Variants in CDH13 observed in about 807,000 individuals in gnomAD.
CDH13 encodes cadherin 13, also known as cadherin-13.
In CDH13, 24 loss-of-function variants were observed where a neutral mutation model predicts 63.8. The ratio of observed to expected loss-of-function variants is 0.38; its 90% confidence interval spans 0.27 to 0.53. The LOEUF is 0.53. Ranked by LOEUF, CDH13 falls within the 20% of genes least tolerant of loss-of-function variation. The pLI, the probability that CDH13 is intolerant of heterozygous loss-of-function variation, is 0.85. For missense variants in CDH13, 1,049 were observed against 903.1 expected (o/e 1.16, Z -2.07); for synonymous variants, 503 against 355.3 (o/e 1.42, Z -4.67).
intron 3 of CDH13, among the ~76,000 whole-genome samples, chr16:83,099,188 A>G (rs2034353103): frequency 6.6e-6 from 1 of 152,200 alleles, no homozygotes; most frequent in South Asian, 2.1e-4. Context: ...ATTAGAATAT[A>G]TATTTGAACA....
chr16:83,755,642 C>G (rs1290828574), intron 11 of CDH13, among the ~76,000 whole-genome samples: 1 of 151,730 alleles, frequency 6.6e-6, no homozygotes, highest in African/African-American at 2.4e-5. Flanking sequence ...ATGTGGAAGG[C>G]AATGGAATAA....
At chr16:83,079,462 A>T (rs1160821759) in intron 3 of CDH13, among the ~76,000 whole-genome samples, 1 of 152,218 alleles carries the variant, frequency 6.6e-6, no homozygotes, top group African/African-American at 2.4e-5. Flanking sequence ...GTAAAATGGG[A>T]TAATTATAAT....
intron 4 of CDH13, among the ~76,000 whole-genome samples, chr16:83,145,477 C>T (rs13330081): frequency 0.015 from 2,333 of 152,268 alleles, 68 homozygotes; most frequent in African/African-American, 0.053. Flanking sequence ...CCGTTATTAG[C>T]GATGACAATG....
chr16:83,177,943 A>G (rs2038194072), intron 4 of CDH13, among the ~76,000 whole-genome samples: 7 of 152,174 alleles, frequency 4.6e-5, no homozygotes, highest in Admixed American at 4.6e-4. Context: ...TGCTAAACAT[A>G]TAGTAGGTGT....
At chr16:82,923,295 A>G (rs761354706) in intron 2 of CDH13, among the ~76,000 whole-genome samples, 10 of 152,242 alleles carry the variant, frequency 6.6e-5, no homozygotes, top group Non-Finnish European at 1.2e-4. Flanking sequence ...CATTTGTTCC[A>G]TGAGTGAAGT....
intron 1 of CDH13, among the ~76,000 whole-genome samples, chr16:82,773,745 TC>T (rs1434003626): frequency 6.6e-6 from 1 of 152,132 alleles, no homozygotes; most frequent in South Asian, 2.1e-4. Flanking sequence ...CATTTTTTTT[TC>T]TTTTTCTTAA....
intron 5 of CDH13, among the ~76,000 whole-genome samples, chr16:83,287,472 TC>T (rs1380854472): frequency 2.0e-5 from 3 of 151,746 alleles, no homozygotes; most frequent in African/African-American, 7.3e-5. Context: ...TCCTGTCAGA[TC>T]AGGGGCAGCA....
chr16:82,683,272 C>T (rs1040424867), intron 1 of CDH13, among the ~76,000 whole-genome samples: 5 of 152,168 alleles, frequency 3.3e-5, no homozygotes, highest in African/African-American at 9.7e-5. Context: ...TCTGCAGGAA[C>T]CTAGCCTTCT....
chr16:83,465,837 ACT>A (rs745336875), intron 6 of CDH13, among the ~76,000 whole-genome samples: 9 of 152,092 alleles, frequency 5.9e-5, no homozygotes, highest in Non-Finnish European at 1.3e-4. Context: ...CATCTCACAA[ACT>A]CTATTCTCTC....
intron 1 of CDH13, among the ~76,000 whole-genome samples, chr16:82,656,916 CTCT>C (rs759710762): frequency 7.6e-6 from 1 of 132,344 alleles, no homozygotes; most frequent in Non-Finnish European, 1.6e-5. Flanking sequence ...GGTTTGGTAG[CTCT>C]TTTTTTTTTT....
intron 8 of CDH13, among the ~76,000 whole-genome samples, chr16:83,657,182 A>C (rs1912945662): frequency 6.6e-6 from 1 of 152,232 alleles, no homozygotes; most frequent in Non-Finnish European, 1.5e-5. Context: ...CTCATTGTAA[A>C]GAAACAGCCA....
intron 4 of CDH13, among the ~76,000 whole-genome samples, chr16:83,145,769 G>C (rs1480786715): frequency 6.6e-6 from 1 of 152,180 alleles, no homozygotes; most frequent in African/African-American, 2.4e-5. Context: ...AGAGGGGCTA[G>C]CAGACCAGCC....
chr16:82,644,371 C>G lies in CDH13; in HGVS notation c.45+17234C>G, dbSNP rs1909818425. On this transcript the variant is annotated intron_variant, in intron 1 of 13. Coordinates refer to ENST00000567109, the MANE Select transcript of CDH13 (RefSeq NM_001257.5). The surrounding 1 kb of genome is among the most constrained non-coding windows in gnomAD (Gnocchi z 5.7). ...TCCCTCTGTGCTCTCCATCACCCCC[C>G]TACGGAGTTCCTTTGATTCTCAGGT... Among the ~76,000 whole-genome samples the G allele has an allele frequency of 6.6e-6, 1 of 152,152 alleles. No individual in the cohort carries two copies. The highest frequency in any genetic ancestry group is 2.1e-4 in the South Asian group (1 of 4,822).
chr16:83,648,387 T>C (rs1291369664), intron 8 of CDH13, among the ~76,000 whole-genome samples: 2 of 152,290 alleles, frequency 1.3e-5, no homozygotes, highest in East Asian at 3.9e-4. Context: ...TTTTAGAAAC[T>C]GTAGCAAGAA....
intron 2 of CDH13, among the ~76,000 whole-genome samples, chr16:82,973,817 A>G (rs138933864): frequency 4.6e-5 from 7 of 152,338 alleles, no homozygotes; most frequent in African/African-American, 1.4e-4. Flanking sequence ...CAGTAGTCAT[A>G]CAAAATGCAT....
intron 4 of CDH13, among the ~76,000 whole-genome samples, chr16:83,200,957 G>C (rs2039011007): frequency 6.9e-6 from 1 of 145,906 alleles, no homozygotes; most frequent in Non-Finnish European, 1.5e-5. Flanking sequence ...GTGTGTGTGT[G>C]TGTGTGTGTG....
chr16:82,988,447 G>C (rs1156583128), intron 2 of CDH13, among the ~76,000 whole-genome samples: 1 of 152,024 alleles, frequency 6.6e-6, no homozygotes, highest in Non-Finnish European at 1.5e-5. Context: ...GAAGCTTCTA[G>C]AAGAGCTGAA....
rs545557888 is a variant in CDH13, at chr16:83,774,780, G to A, written c.1682-5188G>A. 2.6e-5 allele frequency among the ~76,000 whole-genome samples: 4 copies of A among 152,334 alleles called. No homozygotes were observed. In the East Asian group the frequency reaches 7.7e-4, roughly 29 times the overall value. Reference sequence around the variant, plus strand: ...TGGAATGGTGGCTGCCAGGGGCCAGGGGAAGGGGAATGGGGACTTGGTGTT... The same window carrying A: ...TGGAATGGTGGCTGCCAGGGGCCAGAGGAAGGGGAATGGGGACTTGGTGTT... On this transcript the variant is annotated intron_variant, in intron 11 of 13. Transcript: ENST00000567109.
intron 1 of CDH13, among the ~76,000 whole-genome samples, chr16:82,660,339 G>A (rs1369123474): frequency 6.6e-6 from 1 of 152,088 alleles, no homozygotes; most frequent in African/African-American, 2.4e-5. Flanking sequence ...AGTCAAGGGT[G>A]GTATTTAAAA....
Sources: allele counts gnomAD v4.1 joint callset (sites outside exome capture counted in the v4.1 genomes callset), GRCh38; gene constraint gnomAD v4.1.1; non-coding constraint Gnocchi (gnomAD v3.1); transcripts MANE v1.5; gene names NCBI Gene and HGNC (gene_info 2026-07-23, HGNC 2026-07-21).